Variants in SYNE2 observed in about 807,000 individuals in gnomAD.
The protein encoded by SYNE2 is spectrin repeat containing nuclear envelope protein 2.
In SYNE2, 431 loss-of-function variants were observed where a neutral mutation model predicts 856.3. The ratio of observed to expected loss-of-function variants is 0.50; its 90% CI spans 0.47 to 0.55. The LOEUF is 0.55. Ranked by LOEUF, SYNE2 falls within the 20% of genes least tolerant of loss-of-function variation. The pLI is 0.00. For synonymous variants in SYNE2, 2,923 were observed against 2,872.3 expected (o/e 1.02, Z -0.56); for missense variants, 8,129 against 8,023.2 (o/e 1.01, Z -0.50).
At chr14:64,197,012 G>C (rs1381988400) in intron 99 of SYNE2, 1 of 152,432 alleles carries the variant, frequency 6.6e-6, no homozygotes, top group Non-Finnish European at 1.5e-5. Flanking sequence ...CGCTGGGCAG[G>C]GGGAGGGGCT....
intron 32 of SYNE2, among the ~76,000 whole-genome samples, chr14:64,015,010 T>A (rs1173734427): frequency 6.9e-6 from 1 of 144,042 alleles, no homozygotes; most frequent in African/African-American, 2.6e-5. Flanking sequence ...AATATATATA[T>A]GTGTATATAT....
At chr14:63,977,778 G>A (rs1183408789) in intron 12 of SYNE2, 127 bp from the exon 13 acceptor site, 5 of 700,604 alleles carry the variant, frequency 7.1e-6, no homozygotes, top group Non-Finnish European at 1.3e-5. Flanking sequence ...ATAAAAAAAA[G>A]GTGGGTTGTG....
At position 64,058,484 on chromosome 14, in the gene SYNE2, A is replaced by G. The variant is rs183253127; in HGVS notation, c.10067+2218A>G. 3.0e-4 allele frequency among the ~76,000 whole-genome samples: 46 copies of G among 152,080 alleles called. No individual in the cohort carries two copies. The East Asian group carries it at 8.7e-3, about 29-fold the overall frequency. ...TCCCTCTACCTCCTCTTTAAGGCCAATAACTCTTTTTTTCTTTTTTGAGAC... is the reference window on the plus strand; with the variant it reads ...TCCCTCTACCTCCTCTTTAAGGCCAGTAACTCTTTTTTTCTTTTTTGAGAC... On this transcript the variant is annotated intron_variant, in intron 49 of 115. Coordinates refer to ENST00000555002, the MANE Select transcript of SYNE2 (RefSeq NM_182914.3).
intron 57 of SYNE2, among the ~76,000 whole-genome samples, chr14:64,086,493 C>T (rs189709740): frequency 4.6e-5 from 7 of 152,088 alleles, no homozygotes; most frequent in Admixed American, 3.3e-4. Flanking sequence ...CTTTGTATTT[C>T]GATATAAATC....
At chr14:64,223,515 CCT>C in intron 113 of SYNE2, 135 bp downstream of exon 113, 2 of 894,300 alleles carry the variant, frequency 2.2e-6, no homozygotes, top group Non-Finnish European at 3.5e-6. Flanking sequence ...CATGTCGTGC[CCT>C]TTTTCTAGCT....
intron 1 of SYNE2, among the ~76,000 whole-genome samples, chr14:63,845,211 T>A (rs1890186889): frequency 1.3e-5 from 2 of 151,820 alleles, no homozygotes; most frequent in South Asian, 4.2e-4. Flanking sequence ...AGGTCAGGAG[T>A]TCAAAACCAG....
At chr14:64,225,284 C>A in intron 115 of SYNE2, 35 bp from the exon 116 acceptor site, 1 of 1,614,010 alleles carries the variant, frequency 6.2e-7, no homozygotes, top group South Asian at 1.1e-5. Flanking sequence ...GCCTGTGGAG[C>A]CTCCCAATCA....
chr14:64,095,346 C>T (rs1365544130), intron 61 of SYNE2, among the ~76,000 whole-genome samples: 3 of 152,184 alleles, frequency 2.0e-5, no homozygotes, highest in Non-Finnish European at 2.9e-5. Flanking sequence ...AAACCCATGT[C>T]AATGAACTTT....
chr14:64,171,897 C>A (rs1252523109), intron 94 of SYNE2, among the ~76,000 whole-genome samples: 3 of 152,202 alleles, frequency 2.0e-5, no homozygotes, highest in Admixed American at 1.3e-4. Context: ...GTCGCCCAGG[C>A]TGGAGTGCAG....
intron 85 of SYNE2, among the ~76,000 whole-genome samples, chr14:64,153,674 A>G (rs925086388): frequency 1.2e-4 from 19 of 152,236 alleles, no homozygotes; most frequent in Admixed American, 9.2e-4. Context: ...TACAAAGGTA[A>G]ACAAGAAAAT....
chr14:64,122,269 T>C lies in SYNE2; in HGVS notation c.13281-17T>C. On this transcript the variant is annotated splice_polypyrimidine_tract_variant and intron_variant, in intron 69 of 115. Transcript: ENST00000555002. ...TAGTGTTGATTATTCTCTTCACCTT[T>C]TGTTCTTCTTCAAAAGCAACCAGGC... is the stretch of plus-strand genomic sequence containing the variant. The C allele has an allele frequency of 1.2e-6, 2 of 1,614,216 alleles. No individual in the cohort carries two copies. Among genetic ancestry groups the C allele is most frequent in the Non-Finnish European group, 1.7e-6 (2 of 1,180,026 alleles).
intron 27 of SYNE2, among the ~76,000 whole-genome samples, chr14:63,999,556 A>T (rs1366484296): frequency 2.0e-5 from 3 of 152,206 alleles, no homozygotes; most frequent in Non-Finnish European, 2.9e-5. Context: ...TAAATGATGG[A>T]TTCTCCTCCT....
At chr14:63,865,063 C>T (rs1894853990) in intron 1 of SYNE2, among the ~76,000 whole-genome samples, 2 of 142,626 alleles carry the variant, frequency 1.4e-5, no homozygotes, top group Admixed American at 1.4e-4. Context: ...AGTAGAGTTT[C>T]CTCATCTGTA....
rs117626210 is a variant in SYNE2 at position 64,166,654 on chromosome 14, A to G, written c.16606-579A>G. ...AGCCCAGAATTGGTCCTTTTTTAAAAAGCATGTTAGGCTGGGTGCAGTGGC... is the reference window on the plus strand; with the variant it reads ...AGCCCAGAATTGGTCCTTTTTTAAAGAGCATGTTAGGCTGGGTGCAGTGGC... On this transcript the variant is annotated intron_variant, in intron 90 of 115. Coordinates refer to ENST00000555002, the MANE Select transcript of SYNE2 (RefSeq NM_182914.3). 373 of 162,604 alleles carry G rather than the reference A, an allele frequency of 2.3e-3. 4 individuals are homozygous for G. In the East Asian group the frequency reaches 0.055, roughly 24 times the overall value. 10.1% of individuals were successfully genotyped at this position (162,604 alleles called of 1,614,324 possible).
chr14:64,211,920 C>T (rs2098643481), intron 103 of SYNE2, 41 bp from the exon 104 acceptor site: 2 of 1,613,676 alleles, frequency 1.2e-6, no homozygotes, highest in Non-Finnish European at 1.7e-6. Context: ...AACTCTTGTT[C>T]CGTGGTCAGT....
chr14:64,046,948 G>A lies in SYNE2; in HGVS notation c.7222-1052G>A, dbSNP rs564847487. Among the ~76,000 whole-genome samples, 5 of 152,352 alleles carry A rather than the reference G, an allele frequency of 3.3e-5. No homozygotes were observed. In the South Asian group the frequency reaches 1.0e-3, roughly 32 times the overall value. ...ATTACAGCGCTCCTTTAGTTCTGCT[G>A]TCTGCAGATGGTGGTATGTTAGTAG... On this transcript the variant is annotated intron_variant, in intron 45 of 115. Transcript: ENST00000555002.
In SYNE2 at chr14:64,016,572, A is replaced by T; in HGVS notation, c.4828A>T (p.Thr1610Ser). 1 of 1,603,288 alleles carries T rather than the reference A, an allele frequency of 6.2e-7. No individual in the cohort carries two copies. The highest frequency in any genetic ancestry group is 1.3e-5 in the African/African-American group (1 of 74,728). The stretch of plus-strand genomic sequence containing the variant: ...ACAATTTTATCTAAATAAAATGAAA[A>T]CTTTTGAAGAGCCCCCTTTTGAAAA... ...NLQFYLNKMK[T>S]FEEPPFEKEA... The change falls in exon 33 of 116, where the codon ACT becomes TCT. Residue 1610 changes from threonine to serine, a missense_variant. This residue lies in a region of SYNE2 where 2,422 missense variants were observed against 2,357.4 expected (regional missense o/e 1.03). Coordinates refer to ENST00000555002, the MANE Select transcript of SYNE2 (RefSeq NM_182914.3).
chr14:64,092,261 A>C (rs1046223447), intron 60 of SYNE2, among the ~76,000 whole-genome samples: 5 of 152,208 alleles, frequency 3.3e-5, no homozygotes, highest in African/African-American at 1.2e-4. Flanking sequence ...GTTTTGTGCC[A>C]AGTTAGGTAT....
intron 2 of SYNE2, among the ~76,000 whole-genome samples, chr14:63,917,306 T>G (rs1465950121): frequency 6.6e-6 from 1 of 152,162 alleles, no homozygotes; most frequent in Non-Finnish European, 1.5e-5. Context: ...AGATGCTTAT[T>G]ACACCAGAGA....
Sources: gnomAD v4.1 joint callset for allele counts (sites outside exome capture counted in the v4.1 genomes callset) on GRCh38, gnomAD v4.1.1 for gene constraint, gnomAD v4.1.1 regional missense constraint, MANE v1.5 for transcripts, NCBI Gene and HGNC (gene_info 2026-07-23, HGNC 2026-07-21) for gene names.